The following WNK1 variants were observed in gnomAD, a reference collection of about 807,000 sequenced individuals.
WNK1 encodes the protein WNK lysine deficient protein kinase 1.
A neutral mutation model predicts 222.8 loss-of-function variants in WNK1; 38 were observed. The ratio of observed to expected loss-of-function variants is 0.17; its 90% CI spans 0.13 to 0.22. WNK1 has a LOEUF of 0.22. Ranked by LOEUF, WNK1 falls within the 10% of genes least tolerant of loss-of-function variation. The probability of loss-of-function intolerance (pLI) is 1.00; values close to 1 mark genes in which losing one functional copy is unlikely to be tolerated. For synonymous variants in WNK1, 1,090 were observed against 1,092.9 expected (o/e 1.00, Z 0.05); for missense variants, 2,348 against 2,918.4 (o/e 0.80, Z 4.50).
intron 9 of WNK1, 46 bp downstream of exon 9, chr12:871,394 A>G: frequency 6.3e-7 from 1 of 1,584,284 alleles, no homozygotes; most frequent in Non-Finnish European, 8.7e-7. Context: ...CAGTGGCCAG[A>G]ACACTATTTT....
At chr12:788,438 G>C (rs1040507343) in intron 1 of WNK1, among the ~76,000 whole-genome samples, 2 of 152,078 alleles carry the variant, frequency 1.3e-5, no homozygotes, top group East Asian at 3.8e-4. Context: ...TGCACTAATG[G>C]ACCATATTTC....
At chr12:783,260 A>G (rs922235614) in intron 1 of WNK1, among the ~76,000 whole-genome samples, 2 of 152,180 alleles carry the variant, frequency 1.3e-5, no homozygotes, top group Non-Finnish European at 2.9e-5. Context: ...TAAAGATAGT[A>G]TATATTCTTT....
At chr12:899,940 T>TG (rs1464092786) in intron 25 of WNK1, among the ~76,000 whole-genome samples, 1 of 151,892 alleles carries the variant, frequency 6.6e-6, no homozygotes, top group Non-Finnish European at 1.5e-5. Flanking sequence ...TGCTCAGACA[T>TG]GTGGCCCATC....
intron 14 of WNK1, 144 bp from the exon 15 acceptor site, chr12:882,799 A>AC (rs772557852): frequency 3.9e-5 from 26 of 659,158 alleles, no homozygotes; most frequent in Middle Eastern, 4.1e-4. Context: ...AGTTTAAGAG[A>AC]CAAAGTACTA....
intron 2 of WNK1, among the ~76,000 whole-genome samples, chr12:826,199 T>C (rs1440476847): frequency 2.6e-5 from 4 of 152,256 alleles, no homozygotes; most frequent in Admixed American, 2.6e-4. Context: ...ATGGTAGCCA[T>C]TTGCCTCATG....
rs1446827651 is a variant in WNK1 at position 878,195 on chromosome 12, T to C, written c.2224-17T>C. On this transcript the variant is annotated splice_polypyrimidine_tract_variant and intron_variant, in intron 9 of 27. Coordinates refer to ENST00000315939, the MANE Select transcript of WNK1 (RefSeq NM_018979.4). ...ATTGATTTGAAATAAAACTGAATCA[T>C]TGTATTTTATTCTTAGCAGCAGGGA... is the stretch of plus-strand genomic sequence containing the variant. The C allele has an allele frequency of 6.2e-7, 1 of 1,614,038 alleles. No individual in the cohort carries two copies. Among genetic ancestry groups the C allele is most frequent in the Non-Finnish European group, 8.5e-7 (1 of 1,179,972 alleles).
At chr12:819,310 T>C (rs950155956) in intron 2 of WNK1, among the ~76,000 whole-genome samples, 3 of 152,212 alleles carry the variant, frequency 2.0e-5, no homozygotes, top group African/African-American at 7.2e-5. Flanking sequence ...TCCTTGATAA[T>C]GTTCTATGAT....
At chr12:858,590 CA>C in intron 5 of WNK1, among the ~76,000 whole-genome samples, 1 of 152,218 alleles carries the variant, frequency 6.6e-6, no homozygotes, top group East Asian at 1.9e-4. Context: ...GCCCAGTACA[CA>C]AATTATTGAA....
At chr12:898,189 A>T (rs1954906572) in intron 25 of WNK1, among the ~76,000 whole-genome samples, 1 of 152,190 alleles carries the variant, frequency 6.6e-6, no homozygotes, top group South Asian at 2.1e-4. Context: ...GGGTTAAAGA[A>T]CTTGCTAGTC....
intron 2 of WNK1, among the ~76,000 whole-genome samples, chr12:818,493 T>TA (rs138620501): frequency 0.023 from 3,557 of 152,270 alleles, 144 homozygotes; most frequent in African/African-American, 0.081. Flanking sequence ...TTTTTTATTG[T>TA]AAAAAACATA....
chr12:908,502 G>A lies in WNK1; in HGVS notation c.6859G>A (p.Ala2287Thr), dbSNP rs1050369612. The change falls in exon 28 of 28, where the codon GCA (alanine) becomes ACA (threonine). Residue 2287 changes from alanine (A) to threonine (T), a missense_variant. Transcript: ENST00000315939. ...EGPGMARKFS[A>T]PGQLCISMTS... ...CCCTGGAATGGCAAGGAAGTTCTCT[G>A]CACCTGGGCAACTGTGCATCTCCAT... 2 of 1,614,030 alleles carry A rather than the reference G, an allele frequency of 1.2e-6. No individual in the cohort carries two copies. Among genetic ancestry groups the A allele is most frequent in the African/African-American group, 2.7e-5 (2 of 74,900 alleles).
At chr12:881,103 G>A in intron 12 of WNK1, 104 bp downstream of exon 12, 1 of 1,465,146 alleles carries the variant, frequency 6.8e-7, no homozygotes, top group Non-Finnish European at 9.4e-7. Context: ...AACTTATTTG[G>A]AGACCATGTC....
In WNK1 at chr12:861,225, C is replaced by T. The variant is rs750433294; in HGVS notation, c.1833C>T (p.Thr611=). ...TCAAGCAGCTCCCTTCTGCTAGCACCGGCATACCTACTGCTTCTACCACTT... is the reference window on the plus strand; with the variant it reads ...TCAAGCAGCTCCCTTCTGCTAGCACTGGCATACCTACTGCTTCTACCACTT... ...TGIKQLPSAS[T]GIPTASTTSA... is the part of the protein sequence containing the mutation. Residue 611 remains threonine, a synonymous_variant, in exon 7 of 28, where the codon ACC becomes ACT. Transcript: ENST00000315939. 2.2e-5 allele frequency: 35 copies of T among 1,613,924 alleles called. No individual in the cohort carries two copies. The highest frequency in any genetic ancestry group is 1.5e-4 in the African/African-American group (11 of 74,884).
intron 4 of WNK1, among the ~76,000 whole-genome samples, chr12:845,057 G>A (rs1338408951): frequency 1.3e-5 from 2 of 150,660 alleles, no homozygotes; most frequent in Admixed American, 6.6e-5. Context: ...CACTACGCCC[G>A]GCTAATTTTT....
intron 9 of WNK1, among the ~76,000 whole-genome samples, chr12:873,505 T>C (rs922040176): frequency 6.6e-6 from 1 of 152,190 alleles, no homozygotes; most frequent in Non-Finnish European, 1.5e-5. Context: ...TCGATATATA[T>C]AGGAAGTGTA....
At chr12:865,405 C>T in intron 8 of WNK1, 1 of 1,513,494 alleles carries the variant, frequency 6.6e-7, no homozygotes, top group Non-Finnish European at 8.8e-7. Flanking sequence ...CAATTATTAC[C>T]AATGAATACA....
At position 887,224 on chromosome 12, in the gene WNK1, C is replaced by T. The variant is rs72650741; in HGVS notation, c.5284C>T (p.Leu1762=). ...SKPPLTKAPV[L]PVGTELPAGT... ...ATTTTCCCTTTGTTGTCTGTAGGTG[C>T]TGCCAGTGGGTACTGAACTTCCAGC... Residue 1762 remains leucine (L), a synonymous_variant, in exon 20 of 28, where the codon CTG becomes TTG. Transcript: ENST00000315939. The T allele has an allele frequency of 2.1e-4, 336 of 1,614,152 alleles. No individual in the cohort carries two copies. The African/African-American group carries it at 3.9e-3, about 19-fold the overall frequency.
chr12:851,772 G>C, intron 4 of WNK1: 1 of 1,344,928 alleles, frequency 7.4e-7, no homozygotes, highest in Non-Finnish European at 9.8e-7. Context: ...CAAAAGGATT[G>C]TATAAATGAG....
At chr12:830,677 T>TG (rs1948723963) in intron 4 of WNK1, among the ~76,000 whole-genome samples, 6 of 152,232 alleles carry the variant, frequency 3.9e-5, no homozygotes, top group Non-Finnish European at 8.8e-5. Context: ...AGATATTTTC[T>TG]ACAGCTGTCT....
Sources: allele counts gnomAD v4.1 joint callset (sites outside exome capture counted in the v4.1 genomes callset), GRCh38; gene constraint gnomAD v4.1.1; transcripts MANE v1.5; gene names NCBI Gene and HGNC (gene_info 2026-07-23, HGNC 2026-07-21).